PRKN: variants seen among roughly 807,000 people sequenced by gnomAD.
PRKN encodes parkin RBR E3 ubiquitin protein ligase.
A neutral mutation model predicts 59.5 loss-of-function variants in PRKN; 56 were observed. The observed-to-expected ratio is 0.94, with a 90% CI of 0.76 to 1.18. PRKN has a LOEUF of 1.18. Ranked by LOEUF, PRKN falls within the 50% of genes most tolerant of loss-of-function variation. The pLI is 0.00. For synonymous variants in PRKN, 250 were observed against 222.1 expected, an observed-to-expected ratio of 1.13 and a Z score of -1.12; for missense variants, 657 against 596.4, an observed-to-expected ratio of 1.10 and a Z score of -1.06.
chr6:161,634,720 A>T (rs1783450084), intron 7 of PRKN, among the ~76,000 whole-genome samples: 1 of 152,140 alleles, frequency 6.6e-6, no homozygotes, highest in African/African-American at 2.4e-5. Flanking sequence ...GGGCCTCACC[A>T]ATTTCGAATT....
Position 162,112,408 on chromosome 6 carries a change from G to T in PRKN, c.535-58234C>A, listed in dbSNP as rs534495941. Among the ~76,000 whole-genome samples, 11 of 152,136 alleles carry T rather than the reference G, an allele frequency of 7.2e-5. No homozygotes were observed. The South Asian group carries it at 2.3e-3, about 32-fold the overall frequency. On this transcript the variant is annotated intron_variant, in intron 4 of 11. Coordinates refer to ENST00000366898, the MANE Select transcript of PRKN (RefSeq NM_004562.3). ...CCTAAGTTTCTCCTACCTTATTGAAGATTCTTATTAAAATACCACATATTA... is the reference window on the plus strand; with the variant it reads ...CCTAAGTTTCTCCTACCTTATTGAATATTCTTATTAAAATACCACATATTA...
In PRKN at chr6:161,920,401, A is replaced by G. The variant is rs112510594; in HGVS notation, c.734+52901T>C. Among the ~76,000 whole-genome samples the G allele has an allele frequency of 2.1e-3, 313 of 151,794 alleles. 1 individual carries two copies. Among genetic ancestry groups the G allele is most frequent in the African/African-American group, 7.3e-3 (304 of 41,414 alleles). On this transcript the variant is annotated intron_variant, in intron 6 of 11. Transcript: ENST00000366898. ...TCTACCAGAAAAAATAAAAAAGGAAACCATAAAACAATGGTAAGTAGATGC... is the reference window on the plus strand; with the variant it reads ...TCTACCAGAAAAAATAAAAAAGGAAGCCATAAAACAATGGTAAGTAGATGC...
At chr6:161,368,382 G>GAGATATATATATAT (rs1401312451) in intron 10 of PRKN, among the ~76,000 whole-genome samples, 3 of 99,328 alleles carry the variant, frequency 3.0e-5, no homozygotes, top group Non-Finnish European at 6.0e-5. Flanking sequence ...CCTCAGTCTT[G>GAGATATATATATAT]ATATATATAT....
chr6:161,573,069 TTCCCCTGCCAGTGACG>T (rs1780953699), intron 7 of PRKN, among the ~76,000 whole-genome samples: 1 of 152,112 alleles, frequency 6.6e-6, no homozygotes, highest in Non-Finnish European at 1.5e-5. Context: ...CAAGGGAGGC[TTCCCCTGCCAGTGACG>T]TCCCATGGTC....
At chr6:161,717,110 G>C (rs1787017043) in intron 7 of PRKN, among the ~76,000 whole-genome samples, 1 of 152,118 alleles carries the variant, frequency 6.6e-6, no homozygotes, top group African/African-American at 2.4e-5. Flanking sequence ...AAACACACAG[G>C]ATGTGTTAGT....
At chr6:162,489,769 G>A (rs2128184622) in intron 1 of PRKN, among the ~76,000 whole-genome samples, 1 of 152,250 alleles carries the variant, frequency 6.6e-6, no homozygotes, top group South Asian at 2.1e-4. Flanking sequence ...AGTCCCTGAA[G>A]GATGTGCTGT....
chr6:162,390,723 A>T (rs905660472), intron 2 of PRKN, among the ~76,000 whole-genome samples: 2 of 152,084 alleles, frequency 1.3e-5, no homozygotes, highest in Non-Finnish European at 2.9e-5. Context: ...GATTACAGGC[A>T]TGAACCACAA....
intron 7 of PRKN, among the ~76,000 whole-genome samples, chr6:161,706,235 C>A (rs1562621382): frequency 6.6e-6 from 1 of 152,166 alleles, no homozygotes; most frequent in Non-Finnish European, 1.5e-5. Flanking sequence ...TGAAGAAGCC[C>A]CACAGACCAA....
intron 9 of PRKN, among the ~76,000 whole-genome samples, chr6:161,497,000 C>G (rs1178182440): frequency 6.6e-6 from 1 of 152,200 alleles, no homozygotes. Flanking sequence ...TCTACGCCAC[C>G]CGGCTTGTGG....
rs929944383 is a variant in PRKN, at chr6:161,859,342, C to T, written c.735-73434G>A. Among the ~76,000 whole-genome samples, 7 of 152,048 alleles carry T rather than the reference C, an allele frequency of 4.6e-5. No homozygotes were observed. The East Asian group carries it at 7.8e-4, about 17-fold the overall frequency. ...AACGCAGGCCAGACGCGGTGACTGA[C>T]GCCTGTAATCCCAGCACTTTGGGAG... On this transcript the variant is annotated intron_variant, in intron 6 of 11. Coordinates refer to ENST00000366898, the MANE Select transcript of PRKN (RefSeq NM_004562.3).
chr6:162,446,459 C>A (rs1790321386), intron 1 of PRKN, among the ~76,000 whole-genome samples: 1 of 151,850 alleles, frequency 6.6e-6, no homozygotes, highest in Non-Finnish European at 1.5e-5. Flanking sequence ...AGGGAAACTG[C>A]AAAAAATATT....
chr6:161,353,494 A>C lies in PRKN; in HGVS notation c.1286-3283T>G, dbSNP rs1445501205. Among the ~76,000 whole-genome samples the C allele has an allele frequency of 6.6e-6, 1 of 152,176 alleles. No homozygotes were observed. The highest frequency in any genetic ancestry group is 1.5e-5 in the Non-Finnish European group (1 of 68,020). On this transcript the variant is annotated intron_variant, in intron 11 of 11. Coordinates refer to ENST00000366898, the MANE Select transcript of PRKN (RefSeq NM_004562.3). This position sits in a 1 kb window ranked among gnomAD's most constrained non-coding sequence, Gnocchi z 4.8. The stretch of plus-strand genomic sequence containing the variant: ...AGGAAGTCTCCATAGAGGGCCCCAG[A>C]GGACAGGGTTTGGGGAGCTTCCAGG...
At chr6:162,684,463 A>G (rs1042267315) in intron 1 of PRKN, among the ~76,000 whole-genome samples, 1 of 152,178 alleles carries the variant, frequency 6.6e-6, no homozygotes, top group Non-Finnish European at 1.5e-5. Flanking sequence ...ACAGCAATTA[A>G]TATCAGTGGA....
intron 6 of PRKN, among the ~76,000 whole-genome samples, chr6:161,792,632 A>G (rs1417029755): frequency 6.6e-6 from 1 of 152,224 alleles, no homozygotes; most frequent in African/African-American, 2.4e-5. Flanking sequence ...GAGTCTTGCA[A>G]TTTAGCTAAC....
intron 5 of PRKN, among the ~76,000 whole-genome samples, chr6:162,045,747 CTGG>C (rs1304889096): frequency 2.8e-4 from 43 of 152,320 alleles, no homozygotes; most frequent in Non-Finnish European, 5.4e-4. Flanking sequence ...CAATCACCTG[CTGG>C]AAGGACTAGG....
rs1787495340 is a variant in PRKN at position 161,410,669 on chromosome 6, A to G, written c.1084-23792T>C. On this transcript the variant is annotated intron_variant, in intron 9 of 11. Transcript: ENST00000366898. This position sits in a 1 kb window ranked among gnomAD's most constrained non-coding sequence, Gnocchi z 5.3. ...AGGAAGCAGATGGAGTTGGGGAAACATGGAATGGAGGATGGGGAGGATGCA... is the reference window on the plus strand; with the variant it reads ...AGGAAGCAGATGGAGTTGGGGAAACGTGGAATGGAGGATGGGGAGGATGCA... Among the ~76,000 whole-genome samples the G allele has an allele frequency of 1.3e-5, 2 of 152,100 alleles. No homozygotes were observed. Among genetic ancestry groups the G allele is most frequent in the Non-Finnish European group, 2.9e-5 (2 of 68,024 alleles).
At chr6:162,304,306 A>G (rs1297727064) in intron 2 of PRKN, among the ~76,000 whole-genome samples, 1 of 150,686 alleles carries the variant, frequency 6.6e-6, no homozygotes, top group Non-Finnish European at 1.5e-5. Context: ...ACACTATAGA[A>G]ATGGAAACTT....
At chr6:162,065,220 T>G (rs1778278925) in intron 4 of PRKN, among the ~76,000 whole-genome samples, 1 of 152,114 alleles carries the variant, frequency 6.6e-6, no homozygotes, top group South Asian at 2.1e-4. Context: ...AAGCCAACAG[T>G]GCAGGCTTCA....
intron 1 of PRKN, among the ~76,000 whole-genome samples, chr6:162,554,926 G>A (rs1779495188): frequency 6.6e-6 from 1 of 152,116 alleles, no homozygotes; most frequent in Non-Finnish European, 1.5e-5. Flanking sequence ...ACTTATTTGG[G>A]GGGCTTTATA....
Sources: gnomAD v4.1 joint callset for allele counts (sites outside exome capture counted in the v4.1 genomes callset) on GRCh38, gnomAD v4.1.1 for gene constraint, Gnocchi (gnomAD v3.1) non-coding constraint, MANE v1.5 for transcripts, NCBI Gene and HGNC (gene_info 2026-07-23, HGNC 2026-07-21) for gene names.